Variants in UBIAD1 observed in about 807,000 individuals in gnomAD.
UBIAD1 encodes the protein ubiA prenyltransferase domain-containing protein 1.
Under a neutral mutation model 20.1 loss-of-function variants are expected in UBIAD1, and 12 were observed. The observed-to-expected ratio is 0.60, with a 90% CI of 0.38 to 0.97. The LOEUF (loss-of-function observed/expected upper bound fraction) is 0.97, where lower values mean the gene tolerates loss of function less well. Among genes scored for constraint, UBIAD1 ranks in the 50% least tolerant of loss-of-function variants. The probability of loss-of-function intolerance (pLI) is 0.00; values close to 1 mark genes in which losing one functional copy is unlikely to be tolerated. For missense variants in UBIAD1, 333 were observed against 419.5 expected (o/e 0.79, Z 1.80); for synonymous variants, 207 against 189.2 (o/e 1.09, Z -0.77).
chr1:11,278,258 C>T (rs12079244), intron 1 of UBIAD1, among the ~76,000 whole-genome samples: 2,468 of 152,220 alleles, frequency 0.016, 64 homozygotes, highest in African/African-American at 0.056. Flanking sequence ...GTGCCCAGCC[C>T]TGTTTTCTTT....
At chr1:11,297,339 C>T (rs1569915751), downstream of UBIAD1, among the ~76,000 whole-genome samples, 1 of 152,206 alleles carries the variant, frequency 6.6e-6, no homozygotes, top group East Asian at 1.9e-4. Flanking sequence ...AGCTGGAAGG[C>T]ACTATCTATG....
chr1:11,284,829 G>A (rs1052976626), intron 1 of UBIAD1, among the ~76,000 whole-genome samples: 3 of 152,008 alleles, frequency 2.0e-5, no homozygotes, highest in Admixed American at 2.0e-4. Context: ...GGGATGGAGA[G>A]GGGGAGGGGT....
chr1:11,275,235 T>C (rs1407634775), intron 1 of UBIAD1, among the ~76,000 whole-genome samples: 1 of 152,172 alleles, frequency 6.6e-6, no homozygotes, highest in East Asian at 1.9e-4. Flanking sequence ...GTGACCAATA[T>C]CCTGGTTTGC....
chr1:11,278,656 A>AT, intron 1 of UBIAD1: 1 of 1,484,396 alleles, frequency 6.7e-7, no homozygotes, highest in South Asian at 1.4e-5. Flanking sequence ...GAAGCTTCAT[A>AT]TTTTCTTTGG....
chr1:11,285,578 C>G lies in UBIAD1; in HGVS notation c.530-66C>G, dbSNP rs149810069. ...CAGCCGGAAGTGGCCTGCCTCTTCA[C>G]TGGTGAACAGTCCCTAAATTTCCAG... On this transcript the variant is annotated intron_variant, in intron 1 of 1. Transcript: ENST00000376810. The surrounding 1 kb of genome is among the most constrained non-coding windows in gnomAD (Gnocchi z 4.4). The G allele has an allele frequency of 1.4e-3, 2,186 of 1,611,444 alleles. 25 individuals are homozygous for G. In the African/African-American group the frequency reaches 0.025, roughly 18 times the overall value.
At chr1:11,297,934 A>G (rs1450737990), downstream of UBIAD1, among the ~76,000 whole-genome samples, 3 of 151,766 alleles carry the variant, frequency 2.0e-5, no homozygotes, top group South Asian at 2.1e-4. Flanking sequence ...AGTTGTTACT[A>G]TTACTTTTAC....
At chr1:11,279,228 T>A (rs1438795525) in intron 1 of UBIAD1, 2 of 232,002 alleles carry the variant, frequency 8.6e-6, no homozygotes, top group African/African-American at 4.6e-5. Flanking sequence ...CTTGTAAATG[T>A]CATATCTTCA....
At chr1:11,277,607 AG>A (rs1652093348) in intron 1 of UBIAD1, among the ~76,000 whole-genome samples, 1 of 151,968 alleles carries the variant, frequency 6.6e-6, no homozygotes, top group Non-Finnish European at 1.5e-5. Flanking sequence ...TTTCAACTGC[AG>A]CTCTCTTTCA....
At position 11,281,372 on chromosome 1, in the gene UBIAD1, C is replaced by A. The variant is rs536390274; in HGVS notation, c.530-4272C>A. On this transcript the variant is annotated intron_variant, in intron 1 of 1. Transcript: ENST00000376810. ...TAATTGGTTAATTATCTTCCCCCTT[C>A]GACTGCGAGCTCCCTCCCTGCAGTC... Among the ~76,000 whole-genome samples the A allele has an allele frequency of 4.6e-5, 7 of 152,266 alleles. No homozygotes were observed. In the South Asian group the frequency reaches 1.5e-3, roughly 32 times the overall value.
rs1381943760 is a variant in UBIAD1, at chr1:11,286,165, C to T, written c.*34C>T. On this transcript the variant is annotated 3_prime_UTR_variant, in exon 2 of 2. Transcript: ENST00000376810. The stretch of plus-strand genomic sequence containing the variant: ...GTAGCTCCCCCCACGACATGTCTCC[C>T]TTTCTTAGAATATATTAAAGTCAGA... 1.2e-6 allele frequency: 2 copies of T among 1,613,800 alleles called. No homozygotes were observed. The highest frequency in any genetic ancestry group is 1.7e-6 in the Non-Finnish European group (2 of 1,179,866).
chr1:11,295,147 A>G (rs1638427205), exon 2 of UBIAD1: 1 of 540,062 alleles, frequency 1.9e-6, no homozygotes. Context: ...CATAGAATAA[A>G]CAACGACCAC....
Position 11,274,077 on chromosome 1 carries a change from C to T in UBIAD1, c.529+17C>T, listed in dbSNP as rs1486061171. 2.5e-6 allele frequency: 4 copies of T among 1,613,928 alleles called. No individual in the cohort carries two copies. The highest frequency in any genetic ancestry group is 1.7e-6 in the Non-Finnish European group (2 of 1,180,014). On this transcript the variant is annotated intron_variant, in intron 1 of 1. Coordinates refer to ENST00000376810, the MANE Select transcript of UBIAD1 (RefSeq NM_013319.3). ...ACACAGGAGGTAAGATTTGGCCTGT[C>T]CTGTGTGCTGCAGGTCTTAGTCGCG...
intron 1 of UBIAD1, among the ~76,000 whole-genome samples, chr1:11,276,314 A>G (rs1299646213): frequency 6.6e-6 from 1 of 151,982 alleles, no homozygotes; most frequent in Non-Finnish European, 1.5e-5. Flanking sequence ...GGAATTAAGC[A>G]TAACTCAAAG....
At chr1:11,281,917 T>C (rs1436261085) in intron 1 of UBIAD1, among the ~76,000 whole-genome samples, 2 of 152,256 alleles carry the variant, frequency 1.3e-5, no homozygotes, top group Non-Finnish European at 2.9e-5. Context: ...ATTCATTGTT[T>C]TATTGCGTGT....
chr1:11,282,565 T>TTTC (rs1652274400), intron 1 of UBIAD1, among the ~76,000 whole-genome samples: 1 of 151,460 alleles, frequency 6.6e-6, no homozygotes, highest in African/African-American at 2.4e-5. Flanking sequence ...TCACTTTTTT[T>TTTC]TTTTTTTTTT....
chr1:11,295,205 A>G, downstream of UBIAD1: 1 of 411,354 alleles, frequency 2.4e-6, no homozygotes, highest in Non-Finnish European at 4.5e-6. Flanking sequence ...GAAGGCTTCC[A>G]GGAAGAGGTG....
In UBIAD1 at chr1:11,273,230, A is replaced by C; in HGVS notation, c.-302A>C. 5.2e-6 allele frequency: 2 copies of C among 381,864 alleles called. No individual in the cohort carries two copies. The highest frequency in any genetic ancestry group is 9.7e-6 in the Non-Finnish European group (2 of 205,608). 23.7% of individuals were successfully genotyped at this position (381,864 alleles called of 1,614,324 possible). On this transcript the variant is annotated 5_prime_UTR_variant, in exon 1 of 2. Coordinates refer to ENST00000376810, the MANE Select transcript of UBIAD1 (RefSeq NM_013319.3). This position sits in a 1 kb window ranked among gnomAD's most constrained non-coding sequence, Gnocchi z 4.9. Reference sequence around the variant, plus strand: ...GGCGGGCCTCCAGAGGCCGGCGCACAAGATGGCGGCTCTGGCGGCCTAAAG... The same window carrying C: ...GGCGGGCCTCCAGAGGCCGGCGCACCAGATGGCGGCTCTGGCGGCCTAAAG...
chr1:11,289,591 G>T (rs757788833), downstream of UBIAD1, among the ~76,000 whole-genome samples: 3 of 151,986 alleles, frequency 2.0e-5, no homozygotes, highest in African/African-American at 4.8e-5. Flanking sequence ...TTGAGACTAT[G>T]TCTCAGTGTC....
At position 11,285,449 on chromosome 1, in the gene UBIAD1, A is replaced by G. The variant is rs1638243200; in HGVS notation, c.530-195A>G. On this transcript the variant is annotated intron_variant, in intron 1 of 1. Coordinates refer to ENST00000376810, the MANE Select transcript of UBIAD1 (RefSeq NM_013319.3). The surrounding 1 kb of genome is among the most constrained non-coding windows in gnomAD (Gnocchi z 4.4). ...AGAGGGACTTGAGGCCTCACTGGGC[A>G]TTCTCTCTGCACCTGTGGCATTGGA... Among the ~76,000 whole-genome samples, 1 of 152,162 alleles carries G rather than the reference A, an allele frequency of 6.6e-6. No individual in the cohort carries two copies. Among genetic ancestry groups the G allele is most frequent in the Admixed American group, 6.5e-5 (1 of 15,280 alleles).
Sources: allele counts gnomAD v4.1 joint callset (sites outside exome capture counted in the v4.1 genomes callset), GRCh38; gene constraint gnomAD v4.1.1; non-coding constraint Gnocchi (gnomAD v3.1); transcripts MANE v1.5; gene names NCBI Gene and HGNC (gene_info 2026-07-23, HGNC 2026-07-21).